Variants in ETV6 observed in about 807,000 individuals in gnomAD.
The protein encoded by ETV6 is transcription factor ETV6.
A neutral mutation model predicts 51.1 loss-of-function variants in ETV6; 16 were observed. The observed-to-expected ratio is 0.31, with a 90% CI of 0.21 to 0.48. The LOEUF is 0.48. Among genes scored for constraint, ETV6 ranks in the 20% least tolerant of loss-of-function variants. The probability of loss-of-function intolerance (pLI) is 0.99; values close to 1 mark genes in which losing one functional copy is unlikely to be tolerated. For missense variants in ETV6, 458 were observed against 594.8 expected (o/e 0.77, Z 2.39); for synonymous variants, 240 against 224.1 (o/e 1.07, Z -0.64).
intron 1 of ETV6, among the ~76,000 whole-genome samples, chr12:11,673,645 T>G (rs1204643678): frequency 6.6e-6 from 1 of 152,202 alleles, no homozygotes; most frequent in Non-Finnish European, 1.5e-5. Context: ...TACTAGGCCC[T>G]CCGAATGTCA....
At chr12:11,823,156 C>T (rs1306140434) in intron 2 of ETV6, among the ~76,000 whole-genome samples, 1 of 152,152 alleles carries the variant, frequency 6.6e-6, no homozygotes, top group Non-Finnish European at 1.5e-5. Context: ...TGTGGGGGCT[C>T]TTTCTGAGAT....
chr12:11,737,506 G>A (rs531495342), intron 1 of ETV6, among the ~76,000 whole-genome samples: 63 of 152,328 alleles, frequency 4.1e-4, no homozygotes, highest in Admixed American at 1.1e-3. Flanking sequence ...GATGAGACAC[G>A]TTAGAGGCAA....
intron 1 of ETV6, among the ~76,000 whole-genome samples, chr12:11,705,370 GGT>G (rs1298029018): frequency 6.6e-6 from 1 of 152,064 alleles, no homozygotes. Context: ...TCTCTGGAGG[GGT>G]GTGTGTGTTT....
chr12:11,731,735 A>G (rs1865603206), intron 1 of ETV6, among the ~76,000 whole-genome samples: 1 of 152,196 alleles, frequency 6.6e-6, no homozygotes, highest in Non-Finnish European at 1.5e-5. Context: ...CAAGGGCTCA[A>G]AGCCCTTCAT....
chr12:11,707,722 T>C (rs1865099434), intron 1 of ETV6, among the ~76,000 whole-genome samples: 1 of 152,348 alleles, frequency 6.6e-6, no homozygotes, highest in Admixed American at 6.5e-5. Flanking sequence ...CCGAGTCGTA[T>C]GTGGCAAGTG....
At chr12:11,880,334 T>C (rs1168324177) in intron 5 of ETV6, among the ~76,000 whole-genome samples, 1 of 152,226 alleles carries the variant, frequency 6.6e-6, no homozygotes, top group Non-Finnish European at 1.5e-5. Flanking sequence ...TTTTCACATT[T>C]ATGAAAGGAA....
chr12:11,784,812 G>A (rs1335709271), intron 2 of ETV6, among the ~76,000 whole-genome samples: 1 of 150,794 alleles, frequency 6.6e-6, no homozygotes, highest in South Asian at 2.1e-4. Context: ...TCCTTCCGCC[G>A]CAGCCTCCAG....
At chr12:11,740,496 T>C (rs1591642399) in intron 1 of ETV6, among the ~76,000 whole-genome samples, 1 of 152,360 alleles carries the variant, frequency 6.6e-6, no homozygotes, top group East Asian at 1.9e-4. Flanking sequence ...AGAGAATTAC[T>C]ACCCACTCTA....
intron 5 of ETV6, 110 bp from the exon 6 acceptor site, chr12:11,884,335 G>T: frequency 8.2e-7 from 1 of 1,225,002 alleles, no homozygotes; most frequent in Admixed American, 1.8e-5. Context: ...TAGACAATCA[G>T]TCAACCCAAG....
intron 1 of ETV6, among the ~76,000 whole-genome samples, chr12:11,682,608 T>A (rs377647984): frequency 6.6e-6 from 1 of 152,244 alleles, no homozygotes; most frequent in Non-Finnish European, 1.5e-5. Flanking sequence ...GTTGCCATGC[T>A]TTTGGAGTTT....
rs201413104 is a variant in ETV6, at chr12:11,733,403, A to G, written c.34-19047A>G. ...AGCCTGGGAGACAGAGCGAGACTCC[A>G]TCTCAAAAAAAAAAAAAAAAAAAAA... On this transcript the variant is annotated intron_variant, in intron 1 of 7. Coordinates refer to ENST00000396373, the MANE Select transcript of ETV6 (RefSeq NM_001987.5). 9.1e-3 allele frequency among the ~76,000 whole-genome samples: 559 copies of G among 61,412 alleles called. 25 individuals are homozygous for G. In the East Asian group the frequency reaches 0.14, roughly 16 times the overall value. The allele number at this position is 61,412 out of a possible 152,430, so 40.3% of individuals were successfully genotyped here.
chr12:11,691,669 C>T (rs1465959475), intron 1 of ETV6, among the ~76,000 whole-genome samples: 5 of 152,134 alleles, frequency 3.3e-5, no homozygotes, highest in Non-Finnish European at 5.9e-5. Flanking sequence ...CTATGCATCA[C>T]GGTAGTTAAT....
At chr12:11,865,467 T>C (rs1946779103) in intron 4 of ETV6, among the ~76,000 whole-genome samples, 1 of 151,600 alleles carries the variant, frequency 6.6e-6, no homozygotes, top group Non-Finnish European at 1.5e-5. Flanking sequence ...ACGTATCTCT[T>C]AAGTTTTTTT....
intron 1 of ETV6, among the ~76,000 whole-genome samples, chr12:11,743,403 G>C (rs530452312): frequency 6.6e-6 from 1 of 152,266 alleles, no homozygotes; most frequent in East Asian, 1.9e-4. Context: ...GTAGAGCGAG[G>C]GAATTTCTTC....
At chr12:11,879,707 CCT>C (rs1456985753) in intron 5 of ETV6, among the ~76,000 whole-genome samples, 4 of 152,060 alleles carry the variant, frequency 2.6e-5, no homozygotes, top group Non-Finnish European at 4.4e-5. Context: ...AGAAGAAAGC[CCT>C]TTCGTTTAAG....
chr12:11,671,354 G>A (rs1226181952), intron 1 of ETV6, among the ~76,000 whole-genome samples: 1 of 152,200 alleles, frequency 6.6e-6, no homozygotes, highest in Non-Finnish European at 1.5e-5. Context: ...TGACTGAGAG[G>A]CACTTGTAAT....
At chr12:11,788,677 A>G (rs376365204) in intron 2 of ETV6, among the ~76,000 whole-genome samples, 1 of 151,200 alleles carries the variant, frequency 6.6e-6, no homozygotes, top group South Asian at 2.1e-4. Context: ...CCTGCTCACC[A>G]GGGCAACCAC....
chr12:11,888,378 TTTTTCTTTTC>T (rs1213180522), intron 7 of ETV6, among the ~76,000 whole-genome samples: 2 of 136,034 alleles, frequency 1.5e-5, no homozygotes, highest in Admixed American at 1.5e-4. Context: ...TACAATTTGC[TTTTTCTTTTC>T]TTTTCTTTTC....
At chr12:11,726,722 A>G (rs1323582745) in intron 1 of ETV6, among the ~76,000 whole-genome samples, 1 of 152,190 alleles carries the variant, frequency 6.6e-6, no homozygotes, top group African/African-American at 2.4e-5. Flanking sequence ...GTGAGCCGTG[A>G]TCACACCACT....
Sources: gnomAD v4.1 joint callset for allele counts (sites outside exome capture counted in the v4.1 genomes callset) on GRCh38, gnomAD v4.1.1 for gene constraint, MANE v1.5 for transcripts, NCBI Gene and HGNC (gene_info 2026-07-23, HGNC 2026-07-21) for gene names.